SF1: variants seen among roughly 807,000 people sequenced by gnomAD.
SF1 encodes the protein splicing factor 1.
A neutral mutation model predicts 62.5 loss-of-function variants in SF1; 7 were observed. The ratio of observed to expected loss-of-function variants is 0.11; its 90% CI spans 0.06 to 0.21. The LOEUF is 0.21. Ranked by LOEUF, SF1 falls within the 10% of genes least tolerant of loss-of-function variation. The pLI is 1.00. For missense variants in SF1, 578 were observed against 884.0 expected (o/e 0.65, Z 4.39); for synonymous variants, 394 against 323.6 (o/e 1.22, Z -2.33).
chr11:64,778,463 G>C lies in SF1; in HGVS notation c.-71C>G. 1.6e-6 allele frequency: 2 copies of C among 1,213,430 alleles called. No homozygotes were observed. Among genetic ancestry groups the C allele is most frequent in the East Asian group, 6.6e-5 (2 of 30,240 alleles). The allele number at this position is 1,213,430 out of a possible 1,614,324, so 75.2% of individuals were successfully genotyped here. On this transcript the variant is annotated 5_prime_UTR_variant, in exon 1 of 13. Transcript: ENST00000377390. The stretch of plus-strand genomic sequence containing the variant: ...GGCTTCTCCTTCGCAAGCCTCCCGG[G>C]GGGAGGGGACCCGAATGCGCTGCCG...
intron 2 of SF1, among the ~76,000 whole-genome samples, chr11:64,774,184 CAT>C (rs1389396363): frequency 1.3e-5 from 2 of 152,194 alleles, no homozygotes; most frequent in Non-Finnish European, 2.9e-5. Flanking sequence ...TGACAAACCA[CAT>C]ATCTTAATAA....
chr11:64,775,998 A>G (rs1397575557), intron 2 of SF1: 1 of 157,006 alleles, frequency 6.4e-6, no homozygotes. Flanking sequence ...AAAAAGGGGT[A>G]AATTGTAAAC....
chr11:64,775,729 T>C (rs550613287), intron 2 of SF1, among the ~76,000 whole-genome samples: 15 of 152,314 alleles, frequency 9.8e-5, no homozygotes, highest in African/African-American at 2.9e-4. Context: ...AAGATAAAAC[T>C]TGCATTAAAA....
chr11:64,766,536 C>T (rs2058683318), intron 12 of SF1: 5 of 420,130 alleles, frequency 1.2e-5, no homozygotes, highest in Non-Finnish European at 1.7e-5. Flanking sequence ...CAGTCTCTCA[C>T]CCCAATCGCA....
At chr11:64,767,904 CTTCGGGTTATGACA>C in intron 9 of SF1, 60 bp from the exon 10 acceptor site, 1 of 1,584,452 alleles carries the variant, frequency 6.3e-7, no homozygotes, top group Non-Finnish European at 8.6e-7. Flanking sequence ...CAACATTGTT[CTTCGGGTTATGACA>C]CAGGACCAGA....
At chr11:64,766,720 C>A (rs968946820) in intron 12 of SF1, 180 bp downstream of exon 12, 3 of 488,032 alleles carry the variant, frequency 6.1e-6, no homozygotes, top group Non-Finnish European at 1.1e-5. Flanking sequence ...CACCAAACAT[C>A]AGCTCTCCTC....
chr11:64,770,464 C>G, intron 3 of SF1, 56 bp from the exon 4 acceptor site: 1 of 1,575,780 alleles, frequency 6.3e-7, no homozygotes. Flanking sequence ...CATTCCCACA[C>G]GGACTATAAC....
intron 12 of SF1, 45 bp downstream of exon 12, chr11:64,766,855 A>AAC: frequency 1.9e-6 from 1 of 528,762 alleles, no homozygotes; most frequent in Non-Finnish European, 3.4e-6. Flanking sequence ...TGTCAGCCCC[A>AAC]CCCCCATCCC....
At chr11:64,768,313 G>T in intron 8 of SF1, 27 bp from the exon 9 acceptor site, 1 of 1,602,114 alleles carries the variant, frequency 6.2e-7, no homozygotes, top group South Asian at 1.1e-5. Flanking sequence ...GACACAAACA[G>T]AGAAAGGGGA....
chr11:64,777,881 C>G (rs999236330), intron 1 of SF1: 1 of 937,608 alleles, frequency 1.1e-6, no homozygotes, highest in Non-Finnish European at 1.3e-6. Flanking sequence ...CCCGTGCGCG[C>G]ACGCGCGCCC....
intron 1 of SF1, among the ~76,000 whole-genome samples, chr11:64,777,242 A>C (rs1323774543): frequency 1.3e-5 from 2 of 152,074 alleles, no homozygotes; most frequent in Non-Finnish European, 2.9e-5. Context: ...AAATTCAACA[A>C]CCTATACAAT....
In SF1 at chr11:64,770,424, T is replaced by C. The variant is rs761711600; in HGVS notation, c.237-16A>G. 24 of 1,607,946 alleles carry C rather than the reference T, an allele frequency of 1.5e-5. No individual in the cohort carries two copies. The highest frequency in any genetic ancestry group is 2.0e-5 in the Non-Finnish European group (23 of 1,174,776). ...GGAAGGGGACCTGTGGGAAACAGACTCCCGTTTACTATTCTGCACCGACTT... is the reference window on the plus strand; with the variant it reads ...GGAAGGGGACCTGTGGGAAACAGACCCCCGTTTACTATTCTGCACCGACTT... On this transcript the variant is annotated splice_polypyrimidine_tract_variant and intron_variant, in intron 3 of 12. Coordinates refer to ENST00000377390, the MANE Select transcript of SF1 (RefSeq NM_004630.4).
At position 64,766,131 on chromosome 11, in the gene SF1, G is replaced by A. The variant is rs1334993499; in HGVS notation, c.1607C>T (p.Ala536Val). ...CCATGGCGGGATGGACCCTGTGCCA[G>A]CGCTCGTGGTGGTAGTCGTCGTATC... ...QQNTTTTTTS[A>V]GTGSIPPWQQ... is the part of the protein sequence containing the mutation. Residue 536 changes from alanine (A) to valine (V), a missense_variant, in exon 13 of 13, where the codon GCT becomes GTT. Transcript: ENST00000377390. The A allele has an allele frequency of 5.6e-6, 9 of 1,608,182 alleles. No individual in the cohort carries two copies. The highest frequency in any genetic ancestry group is 6.8e-6 in the Non-Finnish European group (8 of 1,179,728).
rs1401615363 is a variant in SF1 at position 64,767,799 on chromosome 11, C to T, written c.1114G>A (p.Gly372Ser). 3.1e-6 allele frequency: 5 copies of T among 1,613,716 alleles called. No individual in the cohort carries two copies. Among genetic ancestry groups the T allele is most frequent in the Non-Finnish European group, 4.2e-6 (5 of 1,179,858 alleles). The change falls in exon 10 of 13, where the codon GGC becomes AGC. Residue 372 changes from glycine to serine, a missense_variant. Coordinates refer to ENST00000377390, the MANE Select transcript of SF1 (RefSeq NM_004630.4). ...TGGTAGGGCCGACTCTCTGAAGGGC[C>T]AGAATTCATCCAGGGTGGGCGGCTC... ...TQSRPPWMNS[G>S]PSESRPYHGM...
chr11:64,765,281 A>T lies in SF1; in HGVS notation c.*537T>A, dbSNP rs2058562230. ...CCGGGGAGAGCATCTCCTTGGACGG[A>T]GTCTGAAGAAAGGAAAAGATAAAGA... On this transcript the variant is annotated 3_prime_UTR_variant, in exon 13 of 13. Transcript: ENST00000377390. 1.7e-6 allele frequency: 1 copy of T among 598,784 alleles called. No individual in the cohort carries two copies. The highest frequency in any genetic ancestry group is 3.0e-6 in the Non-Finnish European group (1 of 330,264). The allele number at this position is 598,784 out of a possible 1,614,324, so 37.1% of individuals were successfully genotyped here.
In SF1 at chr11:64,766,030, G is replaced by T; in HGVS notation, c.1708C>A (p.Pro570Thr). The T allele has an allele frequency of 6.2e-7, 1 of 1,609,482 alleles. No homozygotes were observed. The highest frequency in any genetic ancestry group is 8.5e-7 in the Non-Finnish European group (1 of 1,178,454). Residue 570 changes from proline to threonine, a missense_variant, in exon 13 of 13, where the codon CCC becomes ACC. Pro to Thr is a conservative substitution (Grantham distance 38, BLOSUM62 -1). Transcript: ENST00000377390. ...GGCAGAGGCGGCTGGACCCCGGGGG[G>T]CAGGGGCACCATAGTGGGGTTGCCT... ...MQGNPTMVPL[P>T]PGVQPPLPPG...
At chr11:64,771,648 C>T in intron 3 of SF1, 1 of 985,398 alleles carries the variant, frequency 1.0e-6, no homozygotes, top group Non-Finnish European at 1.2e-6. Flanking sequence ...TTTGTATAAA[C>T]TGTTAGCACA....
Position 64,769,436 on chromosome 11 carries a change from G to C in SF1, c.653C>G (p.Ala218Gly), listed in dbSNP as rs1937937375. The change falls in exon 6 of 13, where the codon GCA (alanine) becomes GGA (glycine). Residue 218 changes from alanine to glycine, a missense_variant. Physicochemically the swap from Ala to Gly is moderately conservative, Grantham distance 60. Transcript: ENST00000377390. The stretch of plus-strand genomic sequence containing the variant: ...GGGCTCACCGCTCACCTGTTCCACT[G>C]CCTTTTTGACGTTCTCCATTGTATT... ...TANTMENVKK[A>G]VEQIRNILKQ... The C allele has an allele frequency of 6.2e-7, 1 of 1,614,058 alleles. No individual in the cohort carries two copies.
chr11:64,776,688 G>C (rs759403750), intron 1 of SF1, 62 bp from the exon 2 acceptor site: 18 of 1,515,146 alleles, frequency 1.2e-5, no homozygotes, highest in Admixed American at 1.9e-5. Context: ...AGACAGCTAA[G>C]GGTATTTAAG....
Sources: allele counts gnomAD v4.1 joint callset (sites outside exome capture counted in the v4.1 genomes callset), GRCh38; gene constraint gnomAD v4.1.1; transcripts MANE v1.5; gene names NCBI Gene and HGNC (gene_info 2026-07-23, HGNC 2026-07-21).